ADGRE3: variants seen among roughly 807,000 people sequenced by gnomAD.
ADGRE3 encodes EGF-like module receptor 3.
In ADGRE3, 88 loss-of-function variants were observed where a neutral mutation model predicts 80.1. That is an observed-to-expected ratio of 1.10 (90% CI 0.93 to 1.31). ADGRE3 has a LOEUF of 1.31. Ranked by LOEUF, ADGRE3 falls within the 40% of genes most tolerant of loss-of-function variation. The pLI is 0.00. For synonymous variants in ADGRE3, 281 were observed against 294.8 expected, an observed-to-expected ratio of 0.95 and a Z score of 0.48; for missense variants, 715 against 776.5, an observed-to-expected ratio of 0.92 and a Z score of 0.94.
At position 14,663,616 on chromosome 19, in the gene ADGRE3, A is replaced by G; in HGVS notation, c.77-76T>C. On this transcript the variant is annotated intron_variant, in intron 2 of 15. Coordinates refer to ENST00000253673, the MANE Select transcript of ADGRE3 (RefSeq NM_032571.5). ...TGTTATAATTAGGCCCTGCCTCTTG[A>G]TCACCTGAGGTCAGGAGTTCAAGAG... 24 of 1,508,380 alleles carry G rather than the reference A, an allele frequency of 1.6e-5. 2 individuals are homozygous for G. In the South Asian group the frequency reaches 2.8e-4, roughly 18 times the overall value. 93.4% of individuals were successfully genotyped at this position (1,508,380 alleles called of 1,614,324 possible). A position where few individuals can be genotyped will look rare whatever the true frequency, so the allele number is the denominator to read the frequency against.
chr19:14,629,224 G>A (rs1005319235), intron 14 of ADGRE3, among the ~76,000 whole-genome samples: 2 of 152,132 alleles, frequency 1.3e-5, no homozygotes, highest in African/African-American at 4.8e-5. Context: ...GCACCCTGCC[G>A]ATTGGAAACT....
chr19:14,651,046 C>A, intron 7 of ADGRE3, 39 bp downstream of exon 7: 1 of 1,612,264 alleles, frequency 6.2e-7, no homozygotes, highest in Non-Finnish European at 8.5e-7. Flanking sequence ...AATGACATGG[C>A]TCTGTGTGAA....
the ADGRE3 span, among the ~76,000 whole-genome samples, chr19:14,607,550 A>ATTATTTAT: frequency 7.1e-3 from 1,011 of 141,458 alleles, 7 homozygotes; most frequent in Admixed American, 9.9e-3. Flanking sequence ...ATTTTATTTT[A>ATTATTTAT]TTATTTATTT....
chr19:14,629,245 T>C (rs1970814708), intron 14 of ADGRE3, among the ~76,000 whole-genome samples: 1 of 152,186 alleles, frequency 6.6e-6, no homozygotes, highest in African/African-American at 2.4e-5. Flanking sequence ...TTTTCTGAAA[T>C]AGGGCAGAAC....
chr19:14,631,780 G>A (rs1970888311), intron 13 of ADGRE3, among the ~76,000 whole-genome samples: 1 of 152,018 alleles, frequency 6.6e-6, no homozygotes, highest in Non-Finnish European at 1.5e-5. Context: ...GTGTCGGTCT[G>A]TTCTACTTAA....
At chr19:14,665,403 C>G (rs79407979) in intron 2 of ADGRE3, among the ~76,000 whole-genome samples, 7 of 151,948 alleles carry the variant, frequency 4.6e-5, no homozygotes, top group Admixed American at 2.0e-4. Flanking sequence ...TATTCCATCC[C>G]GGGGATGGAC....
intron 15 of ADGRE3, among the ~76,000 whole-genome samples, chr19:14,624,044 C>T (rs1208128232): frequency 6.6e-6 from 1 of 151,996 alleles, no homozygotes; most frequent in Non-Finnish European, 1.5e-5. Flanking sequence ...AGCGATCCTC[C>T]CATCTTAGCC....
downstream of ADGRE3, among the ~76,000 whole-genome samples, chr19:14,618,846 C>CAAAAAAAA (rs771965258): frequency 0.019 from 1,151 of 61,740 alleles, 69 homozygotes; most frequent in Middle Eastern, 0.04. Context: ...AACTCCATCT[C>CAAAAAAAA]AAAAAAAAAA....
rs71309616 is a variant in ADGRE3 at position 14,665,936 on chromosome 19, GTATATATA to G, written c.77-2404_77-2397del. Among the ~76,000 whole-genome samples, 37 of 42,104 alleles carry G rather than the reference GTATATATA, an allele frequency of 8.8e-4. 3 individuals carry two copies. In the East Asian group the frequency reaches 0.011, roughly 13 times the overall value. The allele number at this position is 42,104 out of a possible 152,430, so 27.6% of individuals were successfully genotyped here. A position where few individuals can be genotyped will look rare whatever the true frequency, so the allele number is the denominator to read the frequency against. On this transcript the variant is annotated intron_variant, in intron 2 of 15. Transcript: ENST00000253673. ...ATATATTGCATATACACACATATGT[GTATATATA>G]TATATATATATATATATATATATAT... is the stretch of plus-strand genomic sequence containing the variant.
rs757132711 is a variant in ADGRE3 at position 14,674,236 on chromosome 19, C to T, written c.25+510G>A. 7.9e-5 allele frequency among the ~76,000 whole-genome samples: 12 copies of T among 152,044 alleles called. 1 individual carries two copies. Among genetic ancestry groups the T allele is most frequent in the Non-Finnish European group, 1.6e-4 (11 of 68,030 alleles). On this transcript the variant is annotated intron_variant, in intron 1 of 15. Coordinates refer to ENST00000253673, the MANE Select transcript of ADGRE3 (RefSeq NM_032571.5). ...TAGAGACCGGGTGCGGTGGCTCATG[C>T]CTGTAATCCTAGCACTTTGGCAGGC...
At chr19:14,649,140 ACATCTCTCTCTTTCCATCTCTCTCCC>A (rs1169839860) in intron 7 of ADGRE3, among the ~76,000 whole-genome samples, 3 of 94,512 alleles carry the variant, frequency 3.2e-5, no homozygotes, top group South Asian at 3.3e-4. Context: ...CTCTCTCTCC[ACATCTCTCTCTTTCCATCTCTCTCCC>A]CATCTCTCTC....
At chr19:14,607,427 T>C in the ADGRE3 span, among the ~76,000 whole-genome samples, 1 of 151,658 alleles carries the variant, frequency 6.6e-6, no homozygotes, top group South Asian at 2.1e-4. Flanking sequence ...ATGGTCTTGA[T>C]CTCCTGACCT....
chr19:14,646,088 G>T (rs1160294024), intron 8 of ADGRE3, among the ~76,000 whole-genome samples: 1 of 152,094 alleles, frequency 6.6e-6, no homozygotes, highest in African/African-American at 2.4e-5. Context: ...AATCAACATA[G>T]ATATTATCAA....
intron 13 of ADGRE3, among the ~76,000 whole-genome samples, chr19:14,632,427 T>C (rs1970911612): frequency 6.6e-6 from 1 of 152,148 alleles, no homozygotes; most frequent in Non-Finnish European, 1.5e-5. Flanking sequence ...ACAAGGCACA[T>C]GGTCAAGGTA....
intron 6 of ADGRE3, among the ~76,000 whole-genome samples, chr19:14,652,854 A>C (rs1054477194): frequency 6.6e-6 from 1 of 150,662 alleles, no homozygotes; most frequent in Admixed American, 6.6e-5. Flanking sequence ...TCTAATATTG[A>C]CTCTCAGTTT....
intron 7 of ADGRE3, among the ~76,000 whole-genome samples, chr19:14,647,737 T>C (rs893611903): frequency 6.6e-6 from 1 of 151,674 alleles, no homozygotes; most frequent in South Asian, 2.1e-4. Context: ...TTAGAAGAGT[T>C]GTTCTCAGAT....
chr19:14,625,366 T>C, intron 15 of ADGRE3, 126 bp downstream of exon 15: 2 of 677,314 alleles, frequency 3.0e-6, no homozygotes, highest in African/African-American at 1.8e-5. Context: ...AACCTGCACA[T>C]GTAACCTCAG....
At chr19:14,614,102 C>T in the ADGRE3 span, among the ~76,000 whole-genome samples, 1 of 152,174 alleles carries the variant, frequency 6.6e-6, no homozygotes, top group East Asian at 1.9e-4. Context: ...TCTCTTCTCA[C>T]CTCTGCCCAC....
downstream of ADGRE3, among the ~76,000 whole-genome samples, chr19:14,617,322 T>TTCCCTCCC (rs1242129811): frequency 0.023 from 1,811 of 77,596 alleles, 106 homozygotes; most frequent in Admixed American, 0.036. Context: ...TTCCCCTTGC[T>TTCCCTCCC]TCCCTCCCTC....
Sources: allele counts gnomAD v4.1 joint callset (sites outside exome capture counted in the v4.1 genomes callset), GRCh38; gene constraint gnomAD v4.1.1; transcripts MANE v1.5; gene names NCBI Gene and HGNC (gene_info 2026-07-23, HGNC 2026-07-21).